HMCN1: variants seen among roughly 807,000 people sequenced by gnomAD.
HMCN1 encodes the protein hemicentin 1.
A neutral mutation model predicts 625.9 loss-of-function variants in HMCN1; 321 were observed. The ratio of observed to expected loss-of-function variants is 0.51; its 90% CI spans 0.47 to 0.56. HMCN1 has a LOEUF of 0.56. HMCN1 is among the 20% of genes least tolerant of loss of function. The pLI, the probability that HMCN1 is intolerant of heterozygous loss-of-function variation, is 0.00. For synonymous variants in HMCN1, 2,425 were observed against 2,417.6 expected (o/e 1.00, Z -0.09); for missense variants, 6,588 against 6,887.3 (o/e 0.96, Z 1.54).
intron 4 of HMCN1, among the ~76,000 whole-genome samples, chr1:185,871,255 C>T (rs1268525094): frequency 2.0e-5 from 3 of 150,590 alleles, no homozygotes; most frequent in Non-Finnish European, 4.4e-5. Context: ...AAGTCAGCAT[C>T]CCAGGGTGCA....
chr1:186,013,868 T>C (rs1312220740), intron 30 of HMCN1, among the ~76,000 whole-genome samples: 1 of 152,082 alleles, frequency 6.6e-6, no homozygotes, highest in Non-Finnish European at 1.5e-5. Flanking sequence ...ATTGACTCAA[T>C]AAATAAAGTG....
intron 93 of HMCN1, among the ~76,000 whole-genome samples, chr1:186,148,748 G>A (rs918618853): frequency 2.0e-5 from 3 of 151,822 alleles, no homozygotes; most frequent in Admixed American, 6.6e-5. Flanking sequence ...GTGAGCTACC[G>A]GCACCTGACC....
At position 185,909,342 on chromosome 1, in the gene HMCN1, A is replaced by G. The variant is rs1666282364; in HGVS notation, c.627A>G (p.Leu209=). 1 of 1,609,566 alleles carries G rather than the reference A, an allele frequency of 6.2e-7. No homozygotes were observed. Among genetic ancestry groups the G allele is most frequent in the Non-Finnish European group, 8.5e-7 (1 of 1,176,030 alleles). ...HLDKKQVNEV[L]KWVEEAVQAS... ...CTTCTCTTTCTCTCTTATAGGTATT[A>G]AAATGGGTAGAAGAAGCAGTACAGG... Residue 209 remains leucine (L), a synonymous_variant, in exon 5 of 107, where the codon TTA becomes TTG. Coordinates refer to ENST00000271588, the MANE Select transcript of HMCN1 (RefSeq NM_031935.3).
intron 1 of HMCN1, among the ~76,000 whole-genome samples, chr1:185,841,490 G>T (rs1661475553): frequency 6.6e-6 from 1 of 152,148 alleles, no homozygotes; most frequent in African/African-American, 2.4e-5. Context: ...TAGCATTGAG[G>T]CTCCGTGATG....
At chr1:185,885,428 A>G (rs1664585147) in intron 4 of HMCN1, among the ~76,000 whole-genome samples, 1 of 151,940 alleles carries the variant, frequency 6.6e-6, no homozygotes, top group Non-Finnish European at 1.5e-5. Flanking sequence ...ATATGATCCA[A>G]TTATTTTATG....
rs1232092043 is a variant in HMCN1 at position 186,010,013 on chromosome 1, G to A, written c.4630+2731G>A. Among the ~76,000 whole-genome samples, 3 of 152,204 alleles carry A rather than the reference G, an allele frequency of 2.0e-5. No homozygotes were observed. The East Asian group carries it at 5.8e-4, about 29-fold the overall frequency. The stretch of plus-strand genomic sequence containing the variant: ...GCTCCTATGAGAATCTGATGCCCTC[G>A]TTGAGATGACAGGAGACAGAGCTCA... On this transcript the variant is annotated intron_variant, in intron 30 of 106. Transcript: ENST00000271588.
At chr1:186,174,459 A>G (rs1652433710) in intron 102 of HMCN1, 55 bp from the exon 103 acceptor site, 12 of 1,605,092 alleles carry the variant, frequency 7.5e-6, no homozygotes, top group Non-Finnish European at 1.0e-5. Flanking sequence ...TTTAAATACA[A>G]TGACTTTGGG....
intron 68 of HMCN1, among the ~76,000 whole-genome samples, chr1:186,097,748 A>G (rs1289265650): frequency 6.6e-6 from 1 of 152,152 alleles, no homozygotes; most frequent in Non-Finnish European, 1.5e-5. Context: ...TAACCAAAGC[A>G]ATCTTGAGTA....
chr1:186,054,081 A>G (rs1272372352), intron 44 of HMCN1, 95 bp downstream of exon 44: 36 of 1,223,996 alleles, frequency 2.9e-5, no homozygotes, highest in South Asian at 7.5e-5. Context: ...TGTTCATTCA[A>G]AATGGTATGG....
chr1:186,060,174 G>T (rs1175384007), intron 46 of HMCN1, among the ~76,000 whole-genome samples: 1 of 152,066 alleles, frequency 6.6e-6, no homozygotes, highest in African/African-American at 2.4e-5. Context: ...TGGGTTTAGG[G>T]TGGGAAGGTT....
intron 17 of HMCN1, among the ~76,000 whole-genome samples, chr1:185,981,321 C>T (rs1279394123): frequency 2.0e-5 from 3 of 151,212 alleles, no homozygotes; most frequent in Non-Finnish European, 2.9e-5. Flanking sequence ...TATGAATACA[C>T]ACATGCACAC....
chr1:185,975,237 C>T (rs1194656457), intron 15 of HMCN1, among the ~76,000 whole-genome samples: 1 of 152,104 alleles, frequency 6.6e-6, no homozygotes, highest in Non-Finnish European at 1.5e-5. Context: ...CGTCCGTTCT[C>T]ACATTGCTAT....
At chr1:185,747,377 G>A (rs940366596) in intron 1 of HMCN1, among the ~76,000 whole-genome samples, 2 of 151,350 alleles carry the variant, frequency 1.3e-5, no homozygotes, top group Non-Finnish European at 2.9e-5. Flanking sequence ...GGAGTGCAGT[G>A]GCGTGATCTC....
intron 1 of HMCN1, among the ~76,000 whole-genome samples, chr1:185,759,300 G>A (rs1571312959): frequency 6.6e-6 from 1 of 152,152 alleles, no homozygotes; most frequent in Non-Finnish European, 1.5e-5. Context: ...GTTGAACTTT[G>A]CTTCTCTCAC....
In HMCN1 at chr1:186,190,853, T is replaced by TATA. The variant is rs1653686429; in HGVS notation, c.*979_*981dup. 5.3e-6 allele frequency: 1 copy of TATA among 189,026 alleles called. No homozygotes were observed. Among genetic ancestry groups the TATA allele is most frequent in the South Asian group, 1.9e-4 (1 of 5,174 alleles). 11.7% of individuals were successfully genotyped at this position (189,026 alleles called of 1,614,324 possible). On this transcript the variant is annotated 3_prime_UTR_variant, in exon 107 of 107. Coordinates refer to ENST00000271588, the MANE Select transcript of HMCN1 (RefSeq NM_031935.3). ...ATATTACCTTAGTGTGCATTTTCTA[T>TATA]ATAATATCTTGATGGACTCTTTTAT...
intron 72 of HMCN1, 72 bp from the exon 73 acceptor site, chr1:186,113,907 C>T (rs2102471213): frequency 6.6e-7 from 1 of 1,515,990 alleles, no homozygotes; most frequent in African/African-American, 1.4e-5. Context: ...TCTTATATTA[C>T]ATCTTCAGGG....
In HMCN1 at chr1:186,166,190, A is replaced by T; in HGVS notation, c.15326A>T (p.Asp5109Val). 1 of 1,614,050 alleles carries T rather than the reference A, an allele frequency of 6.2e-7. No individual in the cohort carries two copies. Residue 5109 changes from aspartate to valine, a missense_variant, in exon 99 of 107, where the codon GAT (aspartate) becomes GTT (valine). Around this residue, in one of 3 missense-constraint regions of HMCN1, gnomAD observed 1,954 missense variants for 2,013.1 expected, o/e 0.97. Transcript: ENST00000271588. ...DSVGPFCADEDECAAGNPCSH... is the reference protein window; with the variant it reads ...DSVGPFCADEVECAAGNPCSH... ...TTTTTGTTTCTTCTTTAAGATGAGGATGAATGTGCAGCAGGGAATCCCTGC... is the reference window on the plus strand; with the variant it reads ...TTTTTGTTTCTTCTTTAAGATGAGGTTGAATGTGCAGCAGGGAATCCCTGC...
At chr1:186,159,696 G>A (rs904662631) in intron 97 of HMCN1, among the ~76,000 whole-genome samples, 3 of 152,050 alleles carry the variant, frequency 2.0e-5, no homozygotes, top group African/African-American at 7.2e-5. Context: ...TTTTGTCTTT[G>A]GTTCTGTTTA....
intron 30 of HMCN1, 44 bp downstream of exon 30, chr1:186,007,326 TA>T: frequency 6.3e-7 from 1 of 1,578,774 alleles, no homozygotes; most frequent in South Asian, 1.1e-5. Flanking sequence ...GCTCTCATTA[TA>T]AGTTGACAAG....
Sources: allele counts gnomAD v4.1 joint callset (sites outside exome capture counted in the v4.1 genomes callset), GRCh38; gene constraint gnomAD v4.1.1; regional missense constraint gnomAD v4.1.1; transcripts MANE v1.5; gene names NCBI Gene and HGNC (gene_info 2026-07-23, HGNC 2026-07-21).